The following VRK3 variants were observed in gnomAD, a reference collection of about 807,000 sequenced individuals.
VRK3 encodes VRK serine/threonine kinase 3.
VRK3 carries 50 observed loss-of-function variants against 60.4 expected under a neutral mutation model. The ratio of observed to expected loss-of-function variants is 0.83; its 90% confidence interval spans 0.66 to 1.05. The LOEUF (loss-of-function observed/expected upper bound fraction) is 1.05. Among genes scored for constraint, VRK3 ranks in the 50% least tolerant of loss-of-function variants. VRK3 has a pLI of 0.00. For synonymous variants in VRK3, 246 were observed against 227.8 expected (o/e 1.08, Z -0.72); for missense variants, 549 against 585.3 (o/e 0.94, Z 0.64).
At chr19:50,013,445 T>C (rs1206825208) in intron 3 of VRK3, among the ~76,000 whole-genome samples, 5 of 152,032 alleles carry the variant, frequency 3.3e-5, no homozygotes, top group Non-Finnish European at 7.4e-5. Flanking sequence ...AAAGAAGAAA[T>C]AAACCTAATC....
chr19:49,988,045 T>G, intron 12 of VRK3: 1 of 204,692 alleles, frequency 4.9e-6, no homozygotes, highest in Non-Finnish European at 1.0e-5. Context: ...CTAAGTGCTG[T>G]GTGCACCTGA....
intron 5 of VRK3, among the ~76,000 whole-genome samples, chr19:50,006,739 A>C (rs879535275): frequency 6.6e-6 from 1 of 152,226 alleles, no homozygotes; most frequent in Non-Finnish European, 1.5e-5. Flanking sequence ...AAAAGAAAGG[A>C]AAAGAAAAAC....
chr19:50,016,326 G>A (rs2077077970), intron 2 of VRK3, among the ~76,000 whole-genome samples, 163 bp from the exon 3 acceptor site: 1 of 152,236 alleles, frequency 6.6e-6, no homozygotes, highest in African/African-American at 2.4e-5. Context: ...GGGAATGGGA[G>A]TGACAGTCAA....
At chr19:49,982,265 C>T (rs2076436956) in intron 12 of VRK3, 1 of 700,828 alleles carries the variant, frequency 1.4e-6, no homozygotes, top group South Asian at 1.5e-5. Context: ...TGATAAAACA[C>T]ACGAATTATT....
rs113720204 is a variant in VRK3, at chr19:49,993,725, G to C, written c.871-773C>G. Among the ~76,000 whole-genome samples the C allele has an allele frequency of 7.8e-3, 1,190 of 152,210 alleles. 16 individuals are homozygous for C. Among genetic ancestry groups the C allele is most frequent in the African/African-American group, 0.027 (1,122 of 41,514 alleles). On this transcript the variant is annotated intron_variant, in intron 9 of 14. Transcript: ENST00000316763. ...AATTCTTTGATTGTGTCTGCTGCCT[G>C]AGTGTCAGCTACATTCTGATCATAT...
At chr19:49,983,666 C>A (rs189867413) in intron 12 of VRK3, among the ~76,000 whole-genome samples, 3 of 152,360 alleles carry the variant, frequency 2.0e-5, no homozygotes, top group East Asian at 3.9e-4. Context: ...GGCCTCTCCT[C>A]CTTCTTTTAC....
At chr19:49,998,227 C>T (rs577541047) in intron 6 of VRK3, 14 of 152,316 alleles carry the variant, frequency 9.2e-5, no homozygotes, top group African/African-American at 3.4e-4. Context: ...TGGCTTAGGC[C>T]TGTAATCCCA....
At chr19:49,996,902 C>A (rs930199324) in intron 7 of VRK3, 1 of 152,228 alleles carries the variant, frequency 6.6e-6, no homozygotes, top group African/African-American at 2.4e-5. Context: ...CAGGCATGAG[C>A]CACCACGCCT....
intron 5 of VRK3, among the ~76,000 whole-genome samples, chr19:50,004,133 T>C (rs1326985167): frequency 2.6e-5 from 4 of 152,180 alleles, no homozygotes; most frequent in African/African-American, 4.8e-5. Context: ...ACCTGAGTCA[T>C]ATAAGGGAAA....
At chr19:49,982,125 G>A in intron 12 of VRK3, 1 of 702,950 alleles carries the variant, frequency 1.4e-6, no homozygotes, top group Non-Finnish European at 2.6e-6. Flanking sequence ...ACTGCTGACG[G>A]TGACCGAGCC....
At chr19:49,991,260 A>G (rs954289058) in intron 10 of VRK3, among the ~76,000 whole-genome samples, 9 of 152,180 alleles carry the variant, frequency 5.9e-5, no homozygotes, top group Admixed American at 4.6e-4. Context: ...GGTCTCATTC[A>G]ATCAACTCAA....
chr19:50,000,663 C>A (rs1364234384), intron 6 of VRK3, 127 bp downstream of exon 6: 1 of 1,127,268 alleles, frequency 8.9e-7, no homozygotes, highest in Admixed American at 2.0e-5. Flanking sequence ...GGTCTTAATA[C>A]TCCTTGCAGG....
chr19:49,990,500 C>G lies in VRK3; in HGVS notation c.964-729G>C, dbSNP rs555351586. ...GGCTCCAGTGATCCTCCCACCTCAG[C>G]CTCCCGAGTAGCTGGGACTACAGGC... On this transcript the variant is annotated intron_variant, in intron 10 of 14. Coordinates refer to ENST00000316763, the MANE Select transcript of VRK3 (RefSeq NM_016440.4). Among the ~76,000 whole-genome samples, 5 of 152,192 alleles carry G rather than the reference C, an allele frequency of 3.3e-5. No individual in the cohort carries two copies. In the South Asian group the frequency reaches 1.0e-3, roughly 32 times the overall value.
At chr19:49,986,674 A>G (rs2076521974) in intron 12 of VRK3, 1 of 152,260 alleles carries the variant, frequency 6.6e-6, no homozygotes, top group Admixed American at 6.5e-5. Context: ...AGGACTGGGA[A>G]GGACTTCACG....
Position 49,989,495 on chromosome 19 carries a change from G to T in VRK3, c.1096+144C>A, listed in dbSNP as rs1057252531. 10 of 1,155,850 alleles carry T rather than the reference G, an allele frequency of 8.7e-6. No individual in the cohort carries two copies. In the African/African-American group the frequency reaches 1.4e-4, roughly 16 times the overall value. The allele number at this position is 1,155,850 out of a possible 1,614,324, so 71.6% of individuals were successfully genotyped here. On this transcript the variant is annotated intron_variant, in intron 11 of 14. Coordinates refer to ENST00000316763, the MANE Select transcript of VRK3 (RefSeq NM_016440.4). ...CACCCACCTCCCTTGCGGTCGGGACGCTGTCTGTGGTTCCAATCCCTGTCC... is the reference window on the plus strand; with the variant it reads ...CACCCACCTCCCTTGCGGTCGGGACTCTGTCTGTGGTTCCAATCCCTGTCC...
chr19:50,000,536 G>A (rs759785506), intron 6 of VRK3: 6 of 542,466 alleles, frequency 1.1e-5, no homozygotes, highest in Admixed American at 9.8e-5. Flanking sequence ...AGCTCTGAGG[G>A]GGATGGGCTT....
intron 2 of VRK3, among the ~76,000 whole-genome samples, chr19:50,019,756 G>A (rs972891738): frequency 3.1e-5 from 4 of 130,080 alleles, no homozygotes; most frequent in Admixed American, 9.4e-5. Flanking sequence ...CCCTGGTCTC[G>A]AACTGCTGAG....
intron 3 of VRK3, among the ~76,000 whole-genome samples, chr19:50,010,209 C>T (rs1179075623): frequency 6.6e-6 from 1 of 152,078 alleles, no homozygotes; most frequent in Non-Finnish European, 1.5e-5. Flanking sequence ...TTTGCCTGTG[C>T]AACTTTAACC....
At chr19:50,002,287 G>C (rs2076819497) in intron 5 of VRK3, among the ~76,000 whole-genome samples, 1 of 149,986 alleles carries the variant, frequency 6.7e-6, no homozygotes, top group South Asian at 2.1e-4. Context: ...AGCTCCAGCT[G>C]GAACAGGGTT....
Sources: allele counts gnomAD v4.1 joint callset (sites outside exome capture counted in the v4.1 genomes callset), GRCh38; gene constraint gnomAD v4.1.1; transcripts MANE v1.5; gene names NCBI Gene and HGNC (gene_info 2026-07-23, HGNC 2026-07-21).